FOXP1: variants seen among roughly 807,000 people sequenced by gnomAD.
FOXP1 encodes the protein forkhead box P1.
In FOXP1, 15 loss-of-function variants were observed where a neutral mutation model predicts 98.2. That is an observed-to-expected ratio of 0.15 (90% CI 0.10 to 0.24). The LOEUF is 0.24. FOXP1 is among the 10% of genes least tolerant of loss of function. FOXP1 has a pLI of 1.00. For synonymous variants in FOXP1, 371 were observed against 314.5 expected (o/e 1.18, Z -1.90); for missense variants, 633 against 848.5 (o/e 0.75, Z 3.15).
At chr3:70,984,652 C>CA in intron 14 of FOXP1, among the ~76,000 whole-genome samples, 1 of 152,222 alleles carries the variant, frequency 6.6e-6, no homozygotes, top group South Asian at 2.1e-4. Flanking sequence ...TTTCCATAAC[C>CA]AACCTGCACC....
At chr3:71,182,955 T>TA (rs2108292140) in intron 6 of FOXP1, among the ~76,000 whole-genome samples, 1 of 152,166 alleles carries the variant, frequency 6.6e-6, no homozygotes, top group Non-Finnish European at 1.5e-5. Flanking sequence ...TTATGATAAT[T>TA]TTTAAAGTAA....
At chr3:71,454,024 C>T (rs1276276744) in intron 3 of FOXP1, among the ~76,000 whole-genome samples, 1 of 152,146 alleles carries the variant, frequency 6.6e-6, no homozygotes, top group Non-Finnish European at 1.5e-5. Context: ...CTGTCTAATC[C>T]TTTACTAAGC....
At chr3:71,297,534 A>C (rs1326244257) in intron 5 of FOXP1, among the ~76,000 whole-genome samples, 1 of 150,854 alleles carries the variant, frequency 6.6e-6, no homozygotes, top group Non-Finnish European at 1.5e-5. Context: ...CCATCAGTGA[A>C]GGTTATATTT....
At chr3:71,311,386 G>C (rs1475151018) in intron 4 of FOXP1, among the ~76,000 whole-genome samples, 1 of 152,216 alleles carries the variant, frequency 6.6e-6, no homozygotes, top group Non-Finnish European at 1.5e-5. Flanking sequence ...CAGTGTGCAG[G>C]CCTCTTGCTT....
At chr3:71,084,331 C>A (rs1308170577) in intron 7 of FOXP1, among the ~76,000 whole-genome samples, 1 of 151,656 alleles carries the variant, frequency 6.6e-6, no homozygotes, top group East Asian at 1.9e-4. Flanking sequence ...GGTTTTCACT[C>A]AAAATTCTTT....
rs115353174 is a variant in FOXP1, at chr3:71,313,514, G to A, written c.-72-13634C>T. ...AGGCAAGGCTGAGGTTGTACAGATC[G>A]AGTATCTGCATTTCTTTTTCTTTTT... On this transcript the variant is annotated intron_variant, in intron 4 of 20. Coordinates refer to ENST00000649528, the MANE Select transcript of FOXP1 (RefSeq NM_001349338.3). 7.3e-3 allele frequency among the ~76,000 whole-genome samples: 1,106 copies of A among 151,816 alleles called. 30 individuals are homozygous for A. Among genetic ancestry groups the A allele is most frequent in the Non-Finnish European group, 4.7e-3 (317 of 67,882 alleles).
intron 8 of FOXP1, 137 bp downstream of exon 8, chr3:71,053,499 G>A (rs976602221): frequency 1.3e-5 from 13 of 995,364 alleles, no homozygotes; most frequent in Non-Finnish European, 1.8e-5. Flanking sequence ...GGAGTGGTCT[G>A]TGTCCTGCCC....
At chr3:71,298,620 A>G (rs572930955) in intron 5 of FOXP1, among the ~76,000 whole-genome samples, 16 of 152,332 alleles carry the variant, frequency 1.1e-4, no homozygotes, top group African/African-American at 3.8e-4. Flanking sequence ...TCTCTGAAAT[A>G]CAATTAGGTA....
intron 3 of FOXP1, among the ~76,000 whole-genome samples, chr3:71,428,748 C>CTGGCCTGGACACACA (rs1448164116): frequency 2.6e-5 from 4 of 152,188 alleles, no homozygotes; most frequent in Admixed American, 6.5e-5. Flanking sequence ...TTTGTGATCC[C>CTGGCCTGGACACACA]TACAATGAGA....
intron 7 of FOXP1, chr3:71,064,937 G>C (rs983002913): frequency 3.4e-6 from 1 of 298,252 alleles, no homozygotes; most frequent in Non-Finnish European, 4.9e-6. Context: ...GCGCGCAGGG[G>C]CGCTCCGGCT....
intron 5 of FOXP1, among the ~76,000 whole-genome samples, chr3:71,226,968 G>T (rs2065891666): frequency 6.6e-6 from 1 of 152,112 alleles, no homozygotes; most frequent in Non-Finnish European, 1.5e-5. Context: ...AGAGCGCACA[G>T]GACGACTCTG....
intron 7 of FOXP1, among the ~76,000 whole-genome samples, chr3:71,096,692 T>C (rs1003016487): frequency 6.6e-6 from 1 of 152,178 alleles, no homozygotes; most frequent in Non-Finnish European, 1.5e-5. Flanking sequence ...CAGTAAGATA[T>C]TTCTCAGACA....
chr3:71,029,383 T>C (rs2046559334), intron 11 of FOXP1, among the ~76,000 whole-genome samples: 1 of 152,056 alleles, frequency 6.6e-6, no homozygotes, highest in Non-Finnish European at 1.5e-5. Context: ...GATGTTCCAC[T>C]AGTGCTCTTT....
rs1210836295 is a variant in FOXP1, at chr3:70,967,708, TTG to T, written c.1723-1654_1723-1653del. Among the ~76,000 whole-genome samples the T allele has an allele frequency of 1.2e-3, 149 of 121,674 alleles. 8 individuals carry two copies. The highest frequency in any genetic ancestry group is 0.011 in the East Asian group (33 of 2,936). 79.8% of individuals were successfully genotyped at this position (121,674 alleles called of 152,430 possible). ...ATTTGTTTTTTTTTTTTGTTTTTTT[TTG>T]TTTTTTTTTTTTTTTTTTGCAAACT... is the stretch of plus-strand genomic sequence containing the variant. On this transcript the variant is annotated intron_variant, in intron 19 of 20. Transcript: ENST00000649528.
intron 3 of FOXP1, among the ~76,000 whole-genome samples, chr3:71,459,140 A>G (rs777109891): frequency 2.6e-5 from 4 of 152,214 alleles, no homozygotes; most frequent in Non-Finnish European, 4.4e-5. Flanking sequence ...TTGATTCTCC[A>G]TGGTAACCAC....
intron 6 of FOXP1, among the ~76,000 whole-genome samples, chr3:71,140,467 C>T (rs988814253): frequency 6.6e-6 from 1 of 152,216 alleles, no homozygotes; most frequent in African/African-American, 2.4e-5. Flanking sequence ...CCTGCAACTT[C>T]CAAAAGCTCT....
intron 9 of FOXP1, among the ~76,000 whole-genome samples, chr3:71,051,195 T>G (rs1460133470): frequency 2.0e-5 from 3 of 152,222 alleles, no homozygotes; most frequent in African/African-American, 7.2e-5. Context: ...TGTTAGTCCT[T>G]TAGATTTACA....
At chr3:70,966,270 G>A (rs1481747934) in intron 19 of FOXP1, 4 of 580,634 alleles carry the variant, frequency 6.9e-6, no homozygotes, top group South Asian at 5.6e-5. Flanking sequence ...GGGGCCAGGG[G>A]GGACCAAGTG....
intron 5 of FOXP1, among the ~76,000 whole-genome samples, chr3:71,281,505 C>T (rs2071564643): frequency 6.6e-6 from 1 of 152,226 alleles, no homozygotes; most frequent in Admixed American, 6.5e-5. Context: ...CACACACATC[C>T]TCCCATCTAG....
Sources: gnomAD v4.1 joint callset for allele counts (sites outside exome capture counted in the v4.1 genomes callset) on GRCh38, gnomAD v4.1.1 for gene constraint, MANE v1.5 for transcripts, NCBI Gene and HGNC (gene_info 2026-07-23, HGNC 2026-07-21) for gene names.